The following HPSE2 variants were observed in gnomAD, a reference collection of about 807,000 sequenced individuals.
HPSE2 encodes heparanase 2 (inactive), also known as inactive heparanase-2.
HPSE2 carries 38 observed loss-of-function variants against 60.5 expected under a neutral mutation model. The observed-to-expected ratio is 0.63, with a 90% CI of 0.48 to 0.82. The LOEUF (loss-of-function observed/expected upper bound fraction) is 0.82. Ranked by LOEUF, HPSE2 falls within the 40% of genes least tolerant of loss-of-function variation. HPSE2 has a pLI of 0.00. For missense variants in HPSE2, 713 were observed against 740.4 expected (o/e 0.96, Z 0.43); for synonymous variants, 295 against 293.2 (o/e 1.01, Z -0.06).
At chr10:99,222,890 CTATATTCATGGGAA>C (rs1303446440) in intron 2 of HPSE2, among the ~76,000 whole-genome samples, 9 of 152,256 alleles carry the variant, frequency 5.9e-5, no homozygotes, top group African/African-American at 2.2e-4. Flanking sequence ...GTTCATGGGA[CTATATTCATGGGAA>C]GGCATATGGC....
intron 3 of HPSE2, among the ~76,000 whole-genome samples, chr10:98,788,789 C>T (rs572499380): frequency 1.9e-4 from 29 of 151,242 alleles, no homozygotes; most frequent in Non-Finnish European, 3.7e-4. Flanking sequence ...GGCAATGCCT[C>T]GCCCTGCTTC....
chr10:99,213,810 G>A (rs1018350562), intron 2 of HPSE2, among the ~76,000 whole-genome samples: 5 of 152,006 alleles, frequency 3.3e-5, no homozygotes, highest in African/African-American at 1.2e-4. Context: ...TACAAAATGG[G>A]AATAATAACA....
chr10:99,264,078 C>CTTTTCT, the HPSE2 span, among the ~76,000 whole-genome samples: 4 of 151,994 alleles, frequency 2.6e-5, no homozygotes, highest in Admixed American at 6.6e-5. Context: ...AGTTTCTTTT[C>CTTTTCT]TTTTCTTTTT....
At chr10:99,182,387 G>A (rs761132627) in intron 2 of HPSE2, among the ~76,000 whole-genome samples, 3 of 152,122 alleles carry the variant, frequency 2.0e-5, no homozygotes, top group African/African-American at 4.8e-5. Flanking sequence ...GTAGATCCAA[G>A]ACTAAAAGCC....
At chr10:98,972,590 T>C (rs1364823205) in intron 3 of HPSE2, among the ~76,000 whole-genome samples, 2 of 152,166 alleles carry the variant, frequency 1.3e-5, no homozygotes, top group Non-Finnish European at 2.9e-5. Context: ...GGCTCTTTCT[T>C]TGAGATCTCC....
Position 98,459,626 on chromosome 10 carries a change from A to G in HPSE2, c.1727T>C (p.Met576Thr). 6.2e-7 allele frequency: 1 copy of G among 1,614,170 alleles called. No homozygotes were observed. The highest frequency in any genetic ancestry group is 8.5e-7 in the Non-Finnish European group (1 of 1,180,024). ...GRTLVIPPVT[M>T]GFYVVKNVNA... ...GACATTCTTGACCACATAAAAGCCCATGGTGACTGGAGGGATGACCAATGT... is the reference window on the plus strand; with the variant it reads ...GACATTCTTGACCACATAAAAGCCCGTGGTGACTGGAGGGATGACCAATGT... The change falls in exon 12 of 12, where the codon ATG becomes ACG. Residue 576 changes from methionine to threonine, a missense_variant. Transcript: ENST00000370552.
the HPSE2 span, among the ~76,000 whole-genome samples, chr10:99,278,296 A>G: frequency 6.6e-6 from 1 of 152,150 alleles, no homozygotes; most frequent in African/African-American, 2.4e-5. Context: ...AAAATGTTCT[A>G]TAATAAATAC....
intron 3 of HPSE2, among the ~76,000 whole-genome samples, chr10:99,070,812 T>A (rs1056274396): frequency 6.6e-6 from 1 of 152,204 alleles, no homozygotes; most frequent in African/African-American, 2.4e-5. Context: ...TCCAGTTTCA[T>A]CCATGTTGCT....
intron 3 of HPSE2, among the ~76,000 whole-genome samples, chr10:98,750,334 G>A (rs898726905): frequency 2.6e-5 from 4 of 152,138 alleles, no homozygotes; most frequent in African/African-American, 9.7e-5. Flanking sequence ...GCAAGGACAT[G>A]TCACGAAGGG....
chr10:98,741,904 T>A (rs956544499), intron 4 of HPSE2, among the ~76,000 whole-genome samples: 1 of 152,094 alleles, frequency 6.6e-6, no homozygotes, highest in Non-Finnish European at 1.5e-5. Context: ...AGAATAAAGC[T>A]AAGTTGGGCA....
chr10:98,642,499 T>C (rs918702610), intron 6 of HPSE2, among the ~76,000 whole-genome samples: 9 of 152,236 alleles, frequency 5.9e-5, no homozygotes, highest in African/African-American at 1.7e-4. Context: ...GGTTGCCTAC[T>C]ACCTCCAGAA....
At chr10:98,736,669 A>G (rs368808797) in intron 4 of HPSE2, among the ~76,000 whole-genome samples, 8 of 152,218 alleles carry the variant, frequency 5.3e-5, no homozygotes, top group East Asian at 1.9e-4. Flanking sequence ...CTTTCAAACT[A>G]TAAGAGATTC....
chr10:99,018,704 T>C (rs371668922), intron 3 of HPSE2, among the ~76,000 whole-genome samples: 23 of 152,182 alleles, frequency 1.5e-4, no homozygotes, highest in Non-Finnish European at 2.4e-4. Context: ...AAGGAAAATG[T>C]ATGACAAATA....
rs146945527 is a variant in HPSE2 at position 98,557,294 on chromosome 10, T to C, written c.1320+57610A>G. 1.7e-3 allele frequency among the ~76,000 whole-genome samples: 259 copies of C among 152,236 alleles called. 1 individual carries two copies. Among genetic ancestry groups the C allele is most frequent in the African/African-American group, 6.1e-3 (252 of 41,550 alleles). On this transcript the variant is annotated intron_variant, in intron 9 of 11. Transcript: ENST00000370552. Reference sequence around the variant, plus strand: ...AATAGACAAACCGACCAGTGAAACATAATACAAGGTCCAGAAACAGACCTT... The same window carrying C: ...AATAGACAAACCGACCAGTGAAACACAATACAAGGTCCAGAAACAGACCTT...
chr10:99,137,437 A>T (rs1397087291), intron 3 of HPSE2, among the ~76,000 whole-genome samples: 1 of 152,222 alleles, frequency 6.6e-6, no homozygotes, highest in Non-Finnish European at 1.5e-5. Flanking sequence ...CAGGGCTAAG[A>T]CAATCCTGAG....
the HPSE2 span, among the ~76,000 whole-genome samples, chr10:99,264,892 C>T: frequency 6.6e-6 from 1 of 152,084 alleles, no homozygotes; most frequent in South Asian, 2.1e-4. Flanking sequence ...CTAGAAGCAA[C>T]CCTGAGAAAC....
chr10:98,731,939 T>C (rs1949239174), intron 4 of HPSE2, among the ~76,000 whole-genome samples: 1 of 152,108 alleles, frequency 6.6e-6, no homozygotes, highest in Admixed American at 6.6e-5. Flanking sequence ...TCAGCAAGGT[T>C]GGAGGGGATA....
At chr10:98,744,941 G>A (rs970792361) in intron 3 of HPSE2, among the ~76,000 whole-genome samples, 1 of 152,210 alleles carries the variant, frequency 6.6e-6, no homozygotes, top group African/African-American at 2.4e-5. Flanking sequence ...GGTGGCTCAC[G>A]CCTGTAATTC....
intron 6 of HPSE2, among the ~76,000 whole-genome samples, chr10:98,667,301 A>T (rs1947389511): frequency 6.6e-6 from 1 of 152,174 alleles, no homozygotes; most frequent in South Asian, 2.1e-4. Context: ...TGCCAACTAA[A>T]AGGAGCCCTC....
Sources: gnomAD v4.1 joint callset for allele counts (sites outside exome capture counted in the v4.1 genomes callset) on GRCh38, gnomAD v4.1.1 for gene constraint, MANE v1.5 for transcripts, NCBI Gene and HGNC (gene_info 2026-07-23, HGNC 2026-07-21) for gene names.